Variants in TAB2 observed in about 807,000 individuals in gnomAD.
The protein encoded by TAB2 is TGF-beta activated kinase 1 (MAP3K7) binding protein 2.
In TAB2, 3 loss-of-function variants were observed where a neutral mutation model predicts 65.0. The ratio of observed to expected loss-of-function variants is 0.05; its 90% CI spans 0.02 to 0.12. The LOEUF is 0.12. Among genes scored for constraint, TAB2 ranks in the 10% least tolerant of loss-of-function variants. The pLI, the probability that TAB2 is intolerant of heterozygous loss-of-function variation, is 1.00. For synonymous variants in TAB2, 298 were observed against 285.1 expected (o/e 1.05, Z -0.46); for missense variants, 623 against 840.3 (o/e 0.74, Z 3.20).
intron 1 of TAB2, among the ~76,000 whole-genome samples, chr6:149,368,278 A>G (rs1583129965): frequency 6.6e-6 from 1 of 152,286 alleles, no homozygotes; most frequent in Non-Finnish European, 1.5e-5. Flanking sequence ...AGAGAGATCT[A>G]GTAAGTTGAG....
chr6:149,367,545 A>G (rs1781079729), intron 1 of TAB2, among the ~76,000 whole-genome samples: 1 of 152,128 alleles, frequency 6.6e-6, no homozygotes, highest in South Asian at 2.1e-4. Flanking sequence ...AGGGAAAGTG[A>G]TGACTCTGAT....
At chr6:149,232,819 C>G (rs984985442) in intron 1 of TAB2, among the ~76,000 whole-genome samples, 3 of 152,152 alleles carry the variant, frequency 2.0e-5, no homozygotes, top group Non-Finnish European at 1.5e-5. Context: ...TCCAAGCAGG[C>G]TTTCATCCTC....
intron 1 of TAB2, among the ~76,000 whole-genome samples, chr6:149,328,761 C>G (rs1779692390): frequency 6.6e-6 from 1 of 151,948 alleles, no homozygotes; most frequent in Non-Finnish European, 1.5e-5. Flanking sequence ...AATGCTGTGA[C>G]GGGGTTAAAC....
At chr6:149,400,254 G>A in intron 6 of TAB2, 1 of 919,538 alleles carries the variant, frequency 1.1e-6, no homozygotes, top group South Asian at 1.7e-5. Context: ...AGGGGAGGGA[G>A]CCCAGGATGT....
At chr6:149,405,786 C>G (rs1172033618) in intron 6 of TAB2, among the ~76,000 whole-genome samples, 6 of 151,638 alleles carry the variant, frequency 4.0e-5, no homozygotes, top group Admixed American at 1.3e-4. Context: ...TACAGAGTTT[C>G]AACTATATAA....
intron 1 of TAB2, among the ~76,000 whole-genome samples, chr6:149,361,117 G>T (rs1220395846): frequency 2.6e-5 from 4 of 152,186 alleles, no homozygotes; most frequent in African/African-American, 9.6e-5. Context: ...GAGGACGGGG[G>T]TCCCTTTCCC....
rs1782791417 is a variant in TAB2, at chr6:149,409,920, G to T, written c.*201G>T. ...CATGAGCAGTTGAAATTCATCACAT[G>T]AAAAGTAATCTGCTGAAAGACTTGG... On this transcript the variant is annotated 3_prime_UTR_variant, in exon 7 of 7. Coordinates refer to ENST00000637181, the MANE Select transcript of TAB2 (RefSeq NM_001292034.3). The T allele has an allele frequency of 1.6e-6, 1 of 640,144 alleles. No homozygotes were observed. The highest frequency in any genetic ancestry group is 2.7e-6 in the Non-Finnish European group (1 of 369,656). 39.7% of individuals were successfully genotyped at this position (640,144 alleles called of 1,614,324 possible). A position where few individuals can be genotyped will look rare whatever the true frequency, so the allele number is the denominator to read the frequency against.
At chr6:149,371,673 A>C (rs920992280) in intron 2 of TAB2, among the ~76,000 whole-genome samples, 4 of 152,206 alleles carry the variant, frequency 2.6e-5, no homozygotes, top group Admixed American at 1.3e-4. Flanking sequence ...TAAATTTGAC[A>C]ATGTAGATAA....
At chr6:149,327,205 A>G (rs541637472) in intron 1 of TAB2, among the ~76,000 whole-genome samples, 15 of 152,246 alleles carry the variant, frequency 9.9e-5, no homozygotes, top group South Asian at 6.2e-4. Flanking sequence ...GTAGGTTTCT[A>G]TTAGGGTTGT....
chr6:149,350,057 G>A (rs9485385), intron 1 of TAB2, among the ~76,000 whole-genome samples: 15,970 of 151,810 alleles, frequency 0.11, 954 homozygotes, highest in African/African-American at 0.16. Flanking sequence ...TCAGCCTCCC[G>A]AGTAGCTGGG....
upstream of TAB2, chr6:149,218,631 A>T (rs1278874303): frequency 2.6e-6 from 1 of 382,058 alleles, no homozygotes; most frequent in Non-Finnish European, 5.3e-6. Flanking sequence ...AGATGAGAAG[A>T]CTAATGCTCA....
intron 2 of TAB2, among the ~76,000 whole-genome samples, chr6:149,375,261 TTA>T (rs1429122312): frequency 3.9e-5 from 6 of 152,258 alleles, no homozygotes; most frequent in Non-Finnish European, 5.9e-5. Context: ...CCTCTCTCTT[TTA>T]TATATGTTTA....
intron 1 of TAB2, among the ~76,000 whole-genome samples, chr6:149,334,151 G>A (rs570210519): frequency 1.3e-5 from 2 of 152,184 alleles, no homozygotes; most frequent in Non-Finnish European, 2.9e-5. Context: ...TGGCTTTCTT[G>A]ATACCATTCT....
chr6:149,328,506 A>G (rs914731261), intron 1 of TAB2, among the ~76,000 whole-genome samples: 2 of 152,142 alleles, frequency 1.3e-5, no homozygotes, highest in Non-Finnish European at 2.9e-5. Flanking sequence ...GTTAGCCAGG[A>G]TGGTCTCAAT....
At chr6:149,376,633 G>A (rs561291453) in intron 2 of TAB2, among the ~76,000 whole-genome samples, 6 of 151,992 alleles carry the variant, frequency 3.9e-5, no homozygotes, top group East Asian at 3.9e-4. Flanking sequence ...TCCTTTCTTC[G>A]GTAGCCTACA....
intron 1 of TAB2, among the ~76,000 whole-genome samples, chr6:149,239,858 T>TAG (rs1554253162): frequency 6.6e-6 from 1 of 152,204 alleles, no homozygotes; most frequent in African/African-American, 2.4e-5. Context: ...GATAGCCTAG[T>TAG]AGACAGTGTG....
intron 1 of TAB2, among the ~76,000 whole-genome samples, chr6:149,288,182 C>T (rs1428067799): frequency 6.6e-6 from 1 of 152,254 alleles, no homozygotes; most frequent in East Asian, 1.9e-4. Context: ...GATGACGAAC[C>T]TGAGGTGCAA....
At chr6:149,229,650 C>T (rs1165595448) in intron 1 of TAB2, among the ~76,000 whole-genome samples, 1 of 152,096 alleles carries the variant, frequency 6.6e-6, no homozygotes, top group African/African-American at 2.4e-5. Context: ...GGTGGTGATC[C>T]AGCAGGGCCG....
At chr6:149,390,726 A>T (rs237034) in intron 3 of TAB2, among the ~76,000 whole-genome samples, 40,702 of 152,098 alleles carry the variant, frequency 0.27, 9,069 homozygotes, top group African/African-American at 0.62. Flanking sequence ...ACAACAACTA[A>T]GAGAGAGTTG....
Sources: allele counts gnomAD v4.1 joint callset (sites outside exome capture counted in the v4.1 genomes callset), GRCh38; gene constraint gnomAD v4.1.1; transcripts MANE v1.5; gene names NCBI Gene and HGNC (gene_info 2026-07-23, HGNC 2026-07-21).